The following SLC22A15 variants were observed in gnomAD, a reference collection of about 807,000 sequenced individuals.
The protein encoded by SLC22A15 is solute carrier family 22 member 15, also known as flipt 1.
In SLC22A15, 45 loss-of-function variants were observed where a neutral mutation model predicts 62.7. The ratio of observed to expected loss-of-function variants is 0.72; its 90% CI spans 0.56 to 0.92. SLC22A15 has a LOEUF of 0.92. Among genes scored for constraint, SLC22A15 ranks in the 40% least tolerant of loss-of-function variants. The probability of loss-of-function intolerance (pLI) is 0.00; values close to 1 mark genes in which losing one functional copy is unlikely to be tolerated. For missense variants in SLC22A15, 622 were observed against 665.6 expected (o/e 0.93, Z 0.72); for synonymous variants, 264 against 267.0 (o/e 0.99, Z 0.11).
intron 6 of SLC22A15, among the ~76,000 whole-genome samples, chr1:116,033,071 CAT>C (rs1319701941): frequency 3.9e-5 from 6 of 152,138 alleles, no homozygotes; most frequent in Admixed American, 6.5e-5. Context: ...AATGTTAAAA[CAT>C]GTGATAATAG....
intron 8 of SLC22A15, among the ~76,000 whole-genome samples, chr1:116,041,983 TA>T (rs1269175960): frequency 6.6e-6 from 1 of 151,562 alleles, no homozygotes; most frequent in Non-Finnish European, 1.5e-5. Context: ...TAAAAGTGCT[TA>T]AAAACAAAAC....
intron 5 of SLC22A15, chr1:116,027,400 T>A (rs1402199634): frequency 5.9e-6 from 3 of 511,620 alleles, no homozygotes; most frequent in East Asian, 1.1e-4. Flanking sequence ...ATATTGGATA[T>A]GTAGTGACAA....
At chr1:116,026,772 T>TG in intron 4 of SLC22A15, 121 bp from the exon 5 acceptor site, 1 of 1,173,102 alleles carries the variant, frequency 8.5e-7, no homozygotes, top group East Asian at 2.5e-5. Flanking sequence ...GGTGTGCCTC[T>TG]TATAGTTGCC....
At chr1:115,989,644 A>C (rs1365306018) in intron 1 of SLC22A15, among the ~76,000 whole-genome samples, 1 of 152,018 alleles carries the variant, frequency 6.6e-6, no homozygotes, top group Admixed American at 6.6e-5. Flanking sequence ...AGCTGGATGC[A>C]TTGGCAGGTA....
intron 7 of SLC22A15, among the ~76,000 whole-genome samples, chr1:116,035,529 C>T (rs535405317): frequency 5.3e-5 from 8 of 152,038 alleles, no homozygotes; most frequent in Non-Finnish European, 5.9e-5. Context: ...TTCATGTTTA[C>T]GAGTTTTTAT....
At chr1:116,026,593 C>T (rs4839512) in intron 4 of SLC22A15, among the ~76,000 whole-genome samples, 96,827 of 152,148 alleles carry the variant, frequency 0.64, 36,196 homozygotes, top group Non-Finnish European at 0.82. Context: ...AGGCAAATGT[C>T]AGTACAACAG....
chr1:116,003,149 G>T (rs1347243104), intron 2 of SLC22A15, among the ~76,000 whole-genome samples: 2 of 151,668 alleles, frequency 1.3e-5, no homozygotes, highest in Non-Finnish European at 2.9e-5. Context: ...TGTCATCCAG[G>T]AGTTATGGCC....
intron 4 of SLC22A15, among the ~76,000 whole-genome samples, chr1:116,025,989 AT>A: frequency 6.6e-6 from 1 of 152,320 alleles, no homozygotes; most frequent in African/African-American, 2.4e-5. Flanking sequence ...GCTGACAAAA[AT>A]CCATGCTTAA....
intron 8 of SLC22A15, among the ~76,000 whole-genome samples, chr1:116,057,437 G>A (rs1658242600): frequency 6.6e-6 from 1 of 151,916 alleles, no homozygotes; most frequent in Non-Finnish European, 1.5e-5. Flanking sequence ...GGAGAAATAG[G>A]AACACTTTTA....
At chr1:115,990,660 A>G (rs993452751) in intron 1 of SLC22A15, among the ~76,000 whole-genome samples, 1 of 152,136 alleles carries the variant, frequency 6.6e-6, no homozygotes, top group East Asian at 1.9e-4. Context: ...GCAGCTTTGT[A>G]CCTCTCCAGA....
rs775646459 is a variant in SLC22A15, at chr1:116,037,361, A to G, written c.1144A>G (p.Ile382Val). 2 of 1,613,306 alleles carry G rather than the reference A, an allele frequency of 1.2e-6. No homozygotes were observed. The highest frequency in any genetic ancestry group is 1.7e-6 in the Non-Finnish European group (2 of 1,179,414). The part of the protein sequence containing the change: ...FLCLGGLACL[I>V]VMFLPEKKDT... ...GTGCCTAGGAGGACTGGCTTGTCTTATTGTAATGTTTCTTCCAGAAAAGAA... is the reference window on the plus strand; with the variant it reads ...GTGCCTAGGAGGACTGGCTTGTCTTGTTGTAATGTTTCTTCCAGAAAAGAA... Residue 382 changes from isoleucine to valine, a missense_variant, in exon 8 of 12, where the codon ATT becomes GTT. By Grantham distance (29) the Ile-to-Val change is conservative. Transcript: ENST00000369503.
At chr1:116,042,931 T>A (rs1657829416) in intron 8 of SLC22A15, among the ~76,000 whole-genome samples, 1 of 152,138 alleles carries the variant, frequency 6.6e-6, no homozygotes, top group Non-Finnish European at 1.5e-5. Context: ...TAAAACAAGT[T>A]TCAATAAGTT....
At chr1:116,045,633 G>A (rs1039531455) in intron 8 of SLC22A15, among the ~76,000 whole-genome samples, 7 of 150,810 alleles carry the variant, frequency 4.6e-5, no homozygotes, top group South Asian at 4.2e-4. Context: ...CAGCTACTCC[G>A]GAGGCTGAGG....
chr1:115,983,362 T>C (rs1654702200), intron 1 of SLC22A15, among the ~76,000 whole-genome samples: 1 of 152,230 alleles, frequency 6.6e-6, no homozygotes, highest in Admixed American at 6.5e-5. Context: ...ATATTTTGCC[T>C]TATTTGTTTA....
chr1:116,013,974 T>C (rs1426998230), intron 2 of SLC22A15: 1 of 152,286 alleles, frequency 6.6e-6, no homozygotes. Flanking sequence ...ATCTTCCCGC[T>C]CACATGCTTG....
At chr1:116,000,419 G>A (rs559906646) in intron 2 of SLC22A15, among the ~76,000 whole-genome samples, 6 of 151,794 alleles carry the variant, frequency 4.0e-5, no homozygotes, top group Non-Finnish European at 7.4e-5. Context: ...TTAACTTTTT[G>A]TTGTTTCTAT....
At chr1:115,977,552 C>G (rs1225091299) in intron 1 of SLC22A15, among the ~76,000 whole-genome samples, 1 of 152,178 alleles carries the variant, frequency 6.6e-6, no homozygotes, top group Non-Finnish European at 1.5e-5. Context: ...ATTCACAAAT[C>G]CTTTCTTAGT....
intron 8 of SLC22A15, among the ~76,000 whole-genome samples, chr1:116,045,336 C>T (rs1657904653): frequency 6.6e-6 from 1 of 151,970 alleles, no homozygotes; most frequent in Non-Finnish European, 1.5e-5. Context: ...TGTGAGCCAC[C>T]ACGCCTGGCC....
chr1:116,064,557 A>G, intron 10 of SLC22A15, 49 bp downstream of exon 10: 1 of 1,254,156 alleles, frequency 8.0e-7, no homozygotes, highest in Non-Finnish European at 1.2e-6. Flanking sequence ...CTGCTTTGGA[A>G]ATGCTTATGC....
Sources: allele counts gnomAD v4.1 joint callset (sites outside exome capture counted in the v4.1 genomes callset), GRCh38; gene constraint gnomAD v4.1.1; transcripts MANE v1.5; gene names NCBI Gene and HGNC (gene_info 2026-07-23, HGNC 2026-07-21).